FAM184A: variants seen among roughly 807,000 people sequenced by gnomAD.
FAM184A encodes the protein protein FAM184A.
A neutral mutation model predicts 143.8 loss-of-function variants in FAM184A; 99 were observed. The observed-to-expected ratio is 0.69, with a 90% CI of 0.58 to 0.81. The LOEUF is 0.81. FAM184A is among the 40% of genes least tolerant of loss of function. The pLI, the probability that FAM184A is intolerant of heterozygous loss-of-function variation, is 0.00. For missense variants in FAM184A, 1,217 were observed against 1,310.5 expected, an observed-to-expected ratio of 0.93 and a Z score of 1.10; for synonymous variants, 427 against 446.4, an observed-to-expected ratio of 0.96 and a Z score of 0.55.
intron 1 of FAM184A, among the ~76,000 whole-genome samples, chr6:119,109,731 T>A (rs1788882735): frequency 6.6e-6 from 1 of 152,226 alleles, no homozygotes; most frequent in Admixed American, 6.5e-5. Context: ...AGCTCTGCTT[T>A]TATTATTTAA....
intron 1 of FAM184A, among the ~76,000 whole-genome samples, chr6:119,128,185 C>G (rs928594653): frequency 1.3e-5 from 2 of 152,154 alleles, no homozygotes; most frequent in African/African-American, 4.8e-5. Context: ...TGGCTGCTAA[C>G]CCCTGGAAAA....
chr6:119,135,188 C>G (rs1418679247), intron 1 of FAM184A, among the ~76,000 whole-genome samples: 2 of 152,028 alleles, frequency 1.3e-5, no homozygotes, highest in Non-Finnish European at 1.5e-5. Flanking sequence ...ATGTATCAAC[C>G]TAGAAAACAA....
chr6:119,092,560 T>C (rs1788398843), intron 1 of FAM184A, among the ~76,000 whole-genome samples: 1 of 152,182 alleles, frequency 6.6e-6, no homozygotes, highest in Non-Finnish European at 1.5e-5. Flanking sequence ...ATCACCTTTA[T>C]CAATGGGGCC....
At chr6:119,114,880 G>A (rs2114852802) in intron 1 of FAM184A, among the ~76,000 whole-genome samples, 1 of 152,242 alleles carries the variant, frequency 6.6e-6, no homozygotes, top group Admixed American at 6.5e-5. Context: ...ATTGAGACAA[G>A]GTCTCACTCT....
At chr6:119,135,560 G>A (rs1789639878) in intron 1 of FAM184A, among the ~76,000 whole-genome samples, 1 of 152,176 alleles carries the variant, frequency 6.6e-6, no homozygotes. Flanking sequence ...GTGAATGAAT[G>A]TTCTTAAATA....
chr6:119,033,504 A>T (rs542217691), intron 1 of FAM184A, among the ~76,000 whole-genome samples: 1 of 152,024 alleles, frequency 6.6e-6, no homozygotes, highest in South Asian at 2.1e-4. Flanking sequence ...TCTCTACTAA[A>T]AATACAAAAA....
chr6:119,135,497 T>G (rs1789638865), intron 1 of FAM184A, among the ~76,000 whole-genome samples: 1 of 152,204 alleles, frequency 6.6e-6, no homozygotes, highest in Non-Finnish European at 1.5e-5. Context: ...ATAAAAAAAT[T>G]ACAGTATTCC....
Position 118,966,859 on chromosome 6 carries a change from T to G in FAM184A, c.3009A>C (p.Arg1003Ser), listed in dbSNP as rs1428394144. 2 of 1,586,720 alleles carry G rather than the reference T, an allele frequency of 1.3e-6. No individual in the cohort carries two copies. Among genetic ancestry groups the G allele is most frequent in the South Asian group, 2.2e-5 (2 of 89,290 alleles). The change falls in exon 15 of 18, where the codon AGA (arginine) becomes AGC (serine). Residue 1003 changes from arginine (R) to serine (S), a missense_variant. Physicochemically the swap from Arg to Ser is moderately radical, Grantham distance 110. Transcript: ENST00000338891. ...CAATTAGTTTCTTTATGATCTGGTC[T>G]CTTTCTGTAAGCATGGCTTTTAATT... Reference protein sequence around the residue: ...ITELKAMLTERDQIIKKLIED... With the variant: ...ITELKAMLTESDQIIKKLIED...
At chr6:119,124,507 T>C (rs1211484707) in intron 1 of FAM184A, among the ~76,000 whole-genome samples, 1 of 152,170 alleles carries the variant, frequency 6.6e-6, no homozygotes, top group Non-Finnish European at 1.5e-5. Flanking sequence ...CATTTATTTA[T>C]AAAATTTTAC....
At chr6:118,963,831 G>A (rs1783409474) in intron 16 of FAM184A, 1 of 151,678 alleles carries the variant, frequency 6.6e-6, no homozygotes, top group African/African-American at 2.4e-5. Context: ...AATAATTTGT[G>A]GTGGCTTATA....
intron 1 of FAM184A, among the ~76,000 whole-genome samples, chr6:119,103,170 G>T (rs375508452): frequency 1.1e-4 from 17 of 152,326 alleles, no homozygotes; most frequent in East Asian, 3.9e-4. Context: ...TGTGGACACT[G>T]CTGTGTCTGT....
intron 1 of FAM184A, among the ~76,000 whole-genome samples, chr6:119,027,480 T>C (rs763888402): frequency 1.3e-5 from 2 of 152,200 alleles, no homozygotes; most frequent in Admixed American, 1.3e-4. Context: ...ATAGGATCAT[T>C]GGACACAGTG....
At chr6:119,125,795 G>A (rs138077060) in intron 1 of FAM184A, among the ~76,000 whole-genome samples, 1,742 of 152,308 alleles carry the variant, frequency 0.011, 19 homozygotes, top group South Asian at 0.043. Context: ...TGTGCCCAGA[G>A]AAGTTGTTGG....
At chr6:119,063,542 C>T (rs890393733) in intron 1 of FAM184A, among the ~76,000 whole-genome samples, 1 of 152,078 alleles carries the variant, frequency 6.6e-6, no homozygotes, top group South Asian at 2.1e-4. Context: ...CATGTAACTG[C>T]GAACATGTTT....
intron 11 of FAM184A, among the ~76,000 whole-genome samples, chr6:118,978,776 A>T (rs1339438999): frequency 6.6e-6 from 1 of 152,196 alleles, no homozygotes; most frequent in Non-Finnish European, 1.5e-5. Context: ...ATAAAGCCAA[A>T]CAGAAGGAAA....
At chr6:119,062,551 C>T (rs897591194) in intron 1 of FAM184A, among the ~76,000 whole-genome samples, 1 of 151,956 alleles carries the variant, frequency 6.6e-6, no homozygotes, top group Admixed American at 6.6e-5. Flanking sequence ...CCCAGCTACT[C>T]GGGAGGCTGA....
intron 5 of FAM184A, among the ~76,000 whole-genome samples, chr6:119,014,496 A>G (rs1262389845): frequency 6.6e-6 from 1 of 152,230 alleles, no homozygotes; most frequent in African/African-American, 2.4e-5. Flanking sequence ...AAACAAACAA[A>G]ACAAAACATA....
At chr6:119,095,100 T>A (rs1420054040) in intron 1 of FAM184A, among the ~76,000 whole-genome samples, 1 of 152,028 alleles carries the variant, frequency 6.6e-6, no homozygotes, top group East Asian at 1.9e-4. Flanking sequence ...GCAAAAAAAA[T>A]CAAAGGTGGG....
intron 9 of FAM184A, among the ~76,000 whole-genome samples, chr6:118,994,672 C>T (rs551044836): frequency 1.4e-4 from 21 of 146,714 alleles, no homozygotes; most frequent in African/African-American, 5.3e-4. Flanking sequence ...GGCAACAGAG[C>T]GAGACTCCAT....
Sources: allele counts gnomAD v4.1 joint callset (sites outside exome capture counted in the v4.1 genomes callset), GRCh38; gene constraint gnomAD v4.1.1; transcripts MANE v1.5; gene names NCBI Gene and HGNC (gene_info 2026-07-23, HGNC 2026-07-21).